CTNND2: variants seen among roughly 807,000 people sequenced by gnomAD.
CTNND2 encodes the protein catenin delta-2.
In CTNND2, 22 loss-of-function variants were observed where a neutral mutation model predicts 144.4. The observed-to-expected ratio is 0.15, with a 90% CI of 0.11 to 0.22. The LOEUF is 0.22. Among genes scored for constraint, CTNND2 ranks in the 10% least tolerant of loss-of-function variants. CTNND2 has a pLI of 1.00. For missense variants in CTNND2, 1,353 were observed against 1,618.8 expected (o/e 0.84, Z 2.82); for synonymous variants, 751 against 695.6 (o/e 1.08, Z -1.25).
chr5:11,159,058 A>G (rs922368410), intron 12 of CTNND2, among the ~76,000 whole-genome samples: 4 of 152,210 alleles, frequency 2.6e-5, no homozygotes, highest in Admixed American at 6.5e-5. Flanking sequence ...TCATTATTTA[A>G]AAAACCATTT....
intron 3 of CTNND2, among the ~76,000 whole-genome samples, chr5:11,539,733 A>G (rs896961214): frequency 3.9e-5 from 6 of 152,198 alleles, no homozygotes; most frequent in African/African-American, 1.4e-4. Flanking sequence ...CACCTGAAAC[A>G]TTTAAAATTA....
At chr5:11,411,990 G>C (rs1360351884) in intron 4 of CTNND2, 45 bp downstream of exon 4, 7 of 1,482,110 alleles carry the variant, frequency 4.7e-6, no homozygotes, top group Non-Finnish European at 6.6e-6. Context: ...CATCAGTAGA[G>C]ATATGTTTAG....
chr5:11,141,117 A>C (rs945093840), intron 12 of CTNND2, among the ~76,000 whole-genome samples: 1 of 151,940 alleles, frequency 6.6e-6, no homozygotes, highest in East Asian at 1.9e-4. Flanking sequence ...ACTGAACCCA[A>C]CTAATTTTTT....
Position 11,891,036 on chromosome 5 carries a change from C to G in CTNND2, c.37+12781G>C, listed in dbSNP as rs1430831895. On this transcript the variant is annotated intron_variant, in intron 1 of 21. Coordinates refer to ENST00000304623, the MANE Select transcript of CTNND2 (RefSeq NM_001332.4). ...CAGCCAGGAGCCTGCTGCAGAAACC[C>G]TGGTGAGCAATGAGACAGCTGGATC... Among the ~76,000 whole-genome samples the G allele has an allele frequency of 4.6e-5, 7 of 152,308 alleles. No individual in the cohort carries two copies. The East Asian group carries it at 1.4e-3, about 29-fold the overall frequency.
At position 11,221,908 on chromosome 5, in the gene CTNND2, T is replaced by C. The variant is rs574862966; in HGVS notation, c.1761+14783A>G. Among the ~76,000 whole-genome samples the C allele has an allele frequency of 2.6e-5, 4 of 152,318 alleles. No homozygotes were observed. In the East Asian group the frequency reaches 7.7e-4, roughly 29 times the overall value. ...ACTAAAGCAAAAGAAATGACCAGAA[T>C]GCCAGATGAAGAAGTTTATGGTGGA... On this transcript the variant is annotated intron_variant, in intron 10 of 21. Coordinates refer to ENST00000304623, the MANE Select transcript of CTNND2 (RefSeq NM_001332.4).
intron 9 of CTNND2, among the ~76,000 whole-genome samples, chr5:11,310,775 C>A (rs998840771): frequency 6.6e-6 from 1 of 151,546 alleles, no homozygotes; most frequent in Admixed American, 6.6e-5. Context: ...CACACATACA[C>A]TCTCACATAC....
At chr5:11,579,124 C>T (rs1778206839) in intron 2 of CTNND2, among the ~76,000 whole-genome samples, 1 of 151,264 alleles carries the variant, frequency 6.6e-6, no homozygotes, top group Non-Finnish European at 1.5e-5. Flanking sequence ...TATCTTCAAG[C>T]TGTGAAGGTT....
chr5:11,270,332 C>T (rs945285749), intron 9 of CTNND2, among the ~76,000 whole-genome samples: 1 of 151,880 alleles, frequency 6.6e-6, no homozygotes, highest in Admixed American at 6.6e-5. Context: ...ACACATTAAG[C>T]AATGCATTTA....
chr5:11,138,311 G>A (rs1756359855), intron 12 of CTNND2, among the ~76,000 whole-genome samples: 1 of 152,142 alleles, frequency 6.6e-6, no homozygotes. Context: ...CCTTCTCATG[G>A]TTCTTAACCC....
intron 16 of CTNND2, among the ~76,000 whole-genome samples, chr5:11,038,151 C>T (rs534728653): frequency 1.1e-3 from 174 of 152,142 alleles, no homozygotes; most frequent in Non-Finnish European, 1.8e-3. Flanking sequence ...CTACACCATC[C>T]TCCCAGGACA....
chr5:11,565,848 A>T (rs1269547433), intron 2 of CTNND2, among the ~76,000 whole-genome samples: 2 of 152,200 alleles, frequency 1.3e-5, no homozygotes, highest in African/African-American at 4.8e-5. Flanking sequence ...AAGTTTTTTT[A>T]AAAATGAAAA....
intron 3 of CTNND2, among the ~76,000 whole-genome samples, chr5:11,419,753 A>G (rs2149850550): frequency 6.6e-6 from 1 of 152,196 alleles, no homozygotes; most frequent in Non-Finnish European, 1.5e-5. Flanking sequence ...AGTTCAAAGC[A>G]TTTTTCTTAA....
At chr5:11,511,139 TG>T (rs1043961497) in intron 3 of CTNND2, among the ~76,000 whole-genome samples, 3 of 152,194 alleles carry the variant, frequency 2.0e-5, no homozygotes, top group African/African-American at 7.2e-5. Flanking sequence ...GAGAGTTGAT[TG>T]GGGTAATTCT....
intron 5 of CTNND2, among the ~76,000 whole-genome samples, chr5:11,404,821 G>A (rs184625862): frequency 6.6e-6 from 1 of 151,798 alleles, no homozygotes; most frequent in Non-Finnish European, 1.5e-5. Context: ...TGTTGGTCAG[G>A]CTGGTCTCAA....
At chr5:11,781,871 T>C (rs1465822943) in intron 1 of CTNND2, among the ~76,000 whole-genome samples, 4 of 152,262 alleles carry the variant, frequency 2.6e-5, no homozygotes, top group East Asian at 3.8e-4. Context: ...TTTTAAATTA[T>C]AGCTACAATG....
chr5:11,274,304 T>C lies in CTNND2; in HGVS notation c.1629-37481A>G, dbSNP rs527502466. 9.2e-5 allele frequency among the ~76,000 whole-genome samples: 14 copies of C among 152,352 alleles called. No individual in the cohort carries two copies. In the South Asian group the frequency reaches 1.2e-3, roughly 14 times the overall value. On this transcript the variant is annotated intron_variant, in intron 9 of 21. Transcript: ENST00000304623. ...TAAAGACTTTGGGCTTAAGAATGCA[T>C]AGAGGTTTCTATGACTGCTTTGGGT... is the stretch of plus-strand genomic sequence containing the variant.
chr5:10,982,370 T>C (rs571270090), intron 20 of CTNND2, among the ~76,000 whole-genome samples: 1 of 152,364 alleles, frequency 6.6e-6, no homozygotes, highest in East Asian at 1.9e-4. Context: ...AGCCTGCGGC[T>C]TTGGAATCAA....
At chr5:11,206,647 G>A (rs1437319569) in intron 10 of CTNND2, among the ~76,000 whole-genome samples, 1 of 152,186 alleles carries the variant, frequency 6.6e-6, no homozygotes, top group Non-Finnish European at 1.5e-5. Context: ...AAACTCAAAT[G>A]TGAATTTTTA....
intron 3 of CTNND2, among the ~76,000 whole-genome samples, chr5:11,464,793 G>A (rs1452528663): frequency 6.6e-6 from 1 of 152,116 alleles, no homozygotes; most frequent in Non-Finnish European, 1.5e-5. Flanking sequence ...AGAATATGGG[G>A]TTTAAGAGAT....
Sources: allele counts gnomAD v4.1 joint callset (sites outside exome capture counted in the v4.1 genomes callset), GRCh38; gene constraint gnomAD v4.1.1; transcripts MANE v1.5; gene names NCBI Gene and HGNC (gene_info 2026-07-23, HGNC 2026-07-21).